Variants in CSNK1A1 observed in about 807,000 individuals in gnomAD.
CSNK1A1 encodes the protein casein kinase I isoform alpha.
CSNK1A1 carries 7 observed loss-of-function variants against 46.1 expected under a neutral mutation model. The observed-to-expected ratio is 0.15, with a 90% CI of 0.09 to 0.29. The LOEUF (loss-of-function observed/expected upper bound fraction) is 0.29. CSNK1A1 is among the 10% of genes least tolerant of loss of function. CSNK1A1 has a pLI of 1.00. For missense variants in CSNK1A1, 96 were observed against 417.1 expected (o/e 0.23, Z 6.71); for synonymous variants, 137 against 141.5 (o/e 0.97, Z 0.23).
intron 2 of CSNK1A1, among the ~76,000 whole-genome samples, chr5:149,534,839 A>C (rs1299581878): frequency 1.3e-5 from 2 of 148,578 alleles, no homozygotes; most frequent in Non-Finnish European, 3.0e-5. Context: ...CAGGAGGATC[A>C]CTTGAGCCTC....
intron 2 of CSNK1A1, among the ~76,000 whole-genome samples, chr5:149,532,763 T>TA (rs1322873041): frequency 1.3e-5 from 2 of 152,162 alleles, no homozygotes; most frequent in Non-Finnish European, 2.9e-5. Context: ...GTTTCCTACT[T>TA]ACACTTAAAA....
At chr5:149,528,098 T>A (rs932472112) in intron 2 of CSNK1A1, among the ~76,000 whole-genome samples, 16 of 152,222 alleles carry the variant, frequency 1.1e-4, no homozygotes, top group Admixed American at 9.2e-4. Context: ...CATGTAAGCC[T>A]CTAACTCCCT....
intron 9 of CSNK1A1, chr5:149,502,619 C>T (rs1260524909): frequency 2.4e-5 from 22 of 933,394 alleles, no homozygotes; most frequent in Non-Finnish European, 2.8e-5. Flanking sequence ...AGCAATTCTC[C>T]CACCTCAGCC....
At chr5:149,521,809 G>T (rs1473884587) in intron 3 of CSNK1A1, among the ~76,000 whole-genome samples, 1 of 151,754 alleles carries the variant, frequency 6.6e-6, no homozygotes, top group South Asian at 2.1e-4. Context: ...TAGAGACAGG[G>T]TTTCACCATG....
intron 4 of CSNK1A1, among the ~76,000 whole-genome samples, chr5:149,518,346 T>C (rs902662749): frequency 7.2e-5 from 11 of 152,140 alleles, no homozygotes; most frequent in African/African-American, 1.2e-4. Context: ...TTCACTAAGA[T>C]TGGAGTGGCC....
chr5:149,503,850 A>G, intron 9 of CSNK1A1: 1 of 985,446 alleles, frequency 1.0e-6, no homozygotes, highest in Non-Finnish European at 1.2e-6. Context: ...AAGAGATTTC[A>G]ATCTAATTTT....
chr5:149,508,742 G>A (rs918965431), intron 7 of CSNK1A1, among the ~76,000 whole-genome samples: 2 of 152,156 alleles, frequency 1.3e-5, no homozygotes, highest in African/African-American at 4.8e-5. Context: ...TCCAGCACTA[G>A]TTTAGGGTAA....
intron 9 of CSNK1A1, chr5:149,497,078 G>A: frequency 3.0e-6 from 4 of 1,346,576 alleles, no homozygotes; most frequent in Non-Finnish European, 3.8e-6. Context: ...CTAGGAAGGA[G>A]TGGTACAGTG....
rs1760619465 is a variant in CSNK1A1 at position 149,495,264 on chromosome 5, C to G, written c.*1589G>C. On this transcript the variant is annotated 3_prime_UTR_variant, in exon 10 of 10. Transcript: ENST00000377843. ...CAAATTAAACTTGACACAATCTGAC[C>G]AAACACGTGTCAATTTACAATTTCA... The G allele has an allele frequency of 1.3e-5, 2 of 152,076 alleles. No individual in the cohort carries two copies. Among genetic ancestry groups the G allele is most frequent in the South Asian group, 4.2e-4 (2 of 4,808 alleles). The allele number at this position is 152,076 out of a possible 1,614,324, so 9.4% of individuals were successfully genotyped here. A position where few individuals can be genotyped will look rare whatever the true frequency, so the allele number is the denominator to read the frequency against.
rs1160379269 is a variant in CSNK1A1, at chr5:149,542,592, TTATATATATATATATATATATATATA to T, written c.230+7457_230+7482del. Among the ~76,000 whole-genome samples, 42 of 26,696 alleles carry T rather than the reference TTATATATATATATATATATATATATA, an allele frequency of 1.6e-3. 2 individuals are homozygous for T. Among genetic ancestry groups the T allele is most frequent in the Admixed American group, 3.5e-3 (4 of 1,138 alleles). The allele number at this position is 26,696 out of a possible 152,430, so 17.5% of individuals were successfully genotyped here. On this transcript the variant is annotated intron_variant, in intron 2 of 9. Coordinates refer to ENST00000377843, the MANE Select transcript of CSNK1A1 (RefSeq NM_001892.6). ...ATTTACTCCGAAATGAGATACAAATTTATATATATATATATATATATATATATATATATATATATATATATATGTAT... is the reference window on the plus strand; with the variant it reads ...ATTTACTCCGAAATGAGATACAAATTTATATATATATATATATATATGTAT...
At chr5:149,508,093 T>C (rs1761092920) in intron 7 of CSNK1A1, among the ~76,000 whole-genome samples, 1 of 152,202 alleles carries the variant, frequency 6.6e-6, no homozygotes, top group Non-Finnish European at 1.5e-5. Context: ...GTGGTAAAGT[T>C]AAAGGAGGCA....
intron 2 of CSNK1A1, among the ~76,000 whole-genome samples, chr5:149,532,392 A>G (rs1361131561): frequency 2.6e-5 from 4 of 152,026 alleles, no homozygotes; most frequent in Non-Finnish European, 4.4e-5. Context: ...TCTAAAAAAA[A>G]AAAAAATCTG....
chr5:149,538,385 A>C (rs1762129026), intron 2 of CSNK1A1, among the ~76,000 whole-genome samples: 1 of 152,208 alleles, frequency 6.6e-6, no homozygotes, highest in Non-Finnish European at 1.5e-5. Context: ...CAACTGAATG[A>C]AAGAAATGGT....
In CSNK1A1 at chr5:149,496,399, G is replaced by GA. The variant is rs922991566; in HGVS notation, c.*453dup. 6.4e-6 allele frequency: 1 copy of GA among 155,828 alleles called. No homozygotes were observed. The highest frequency in any genetic ancestry group is 1.4e-5 in the Non-Finnish European group (1 of 70,358). 9.7% of individuals were successfully genotyped at this position (155,828 alleles called of 1,614,324 possible). On this transcript the variant is annotated 3_prime_UTR_variant, in exon 10 of 10. Transcript: ENST00000377843. ...GAACAACTTGCAAACCCCAGGGATG[G>GA]AAAAACCCTAAGAATGCACAATTGT...
At chr5:149,513,907 A>G (rs933541468) in intron 4 of CSNK1A1, among the ~76,000 whole-genome samples, 3 of 151,952 alleles carry the variant, frequency 2.0e-5, no homozygotes, top group Non-Finnish European at 4.4e-5. Flanking sequence ...CTTAAAAAAA[A>G]AAAAAAAATC....
intron 2 of CSNK1A1, among the ~76,000 whole-genome samples, chr5:149,548,943 A>G: frequency 6.6e-6 from 1 of 152,266 alleles, no homozygotes. Context: ...GCTGGAAAAT[A>G]GCTGGGCTTT....
chr5:149,497,158 A>G (rs1760678642), intron 9 of CSNK1A1: 2 of 1,147,512 alleles, frequency 1.7e-6, no homozygotes, highest in Non-Finnish European at 2.1e-6. Flanking sequence ...GCATTTTTAC[A>G]TATGCAGAAC....
chr5:149,520,195 T>G, intron 4 of CSNK1A1, 95 bp downstream of exon 4: 1 of 742,000 alleles, frequency 1.3e-6, no homozygotes, highest in East Asian at 2.6e-5. Flanking sequence ...CAAATTCAAC[T>G]TACTATGGCT....
chr5:149,503,605 A>G, intron 9 of CSNK1A1: 1 of 985,066 alleles, frequency 1.0e-6, no homozygotes. Context: ...TACAAAAAAT[A>G]GCTACAATAC....
Sources: gnomAD v4.1 joint callset for allele counts (sites outside exome capture counted in the v4.1 genomes callset) on GRCh38, gnomAD v4.1.1 for gene constraint, MANE v1.5 for transcripts, NCBI Gene and HGNC (gene_info 2026-07-23, HGNC 2026-07-21) for gene names.